CEP85L: variants seen among roughly 807,000 people sequenced by gnomAD.
The protein encoded by CEP85L is centrosomal protein 85L.
In CEP85L, 60 loss-of-function variants were observed where a neutral mutation model predicts 100.3. That is an observed-to-expected ratio of 0.60 (90% CI 0.49 to 0.74). The LOEUF is 0.74. Ranked by LOEUF, CEP85L falls within the 30% of genes least tolerant of loss-of-function variation. The pLI, the probability that CEP85L is intolerant of heterozygous loss-of-function variation, is 0.00. For missense variants in CEP85L, 973 were observed against 936.2 expected, an observed-to-expected ratio of 1.04 and a Z score of -0.51; for synonymous variants, 319 against 322.7, an observed-to-expected ratio of 0.99 and a Z score of 0.12.
At chr6:118,483,579 CTTA>C in intron 7 of CEP85L, 124 bp downstream of exon 7, 3 of 772,114 alleles carry the variant, frequency 3.9e-6, no homozygotes, top group Non-Finnish European at 6.2e-6. Flanking sequence ...AACAAAGTTT[CTTA>C]TTAGAATTAA....
intron 1 of CEP85L, among the ~76,000 whole-genome samples, chr6:118,708,329 G>A (rs1340387354): frequency 6.6e-6 from 1 of 152,184 alleles, no homozygotes; most frequent in Non-Finnish European, 1.5e-5. Flanking sequence ...TCACTGAAAA[G>A]CAAATTTGCA....
At chr6:118,560,280 A>G (rs930994224) in intron 3 of CEP85L, 11 of 167,090 alleles carry the variant, frequency 6.6e-5, no homozygotes, top group African/African-American at 2.7e-4. Context: ...CTGATAACAT[A>G]AACAGTAAAT....
chr6:118,680,548 TG>T (rs1259324170), intron 1 of CEP85L, among the ~76,000 whole-genome samples: 2 of 152,016 alleles, frequency 1.3e-5, no homozygotes, highest in Non-Finnish European at 2.9e-5. Flanking sequence ...TCTAACCAGC[TG>T]GGTTTCTGTA....
At chr6:118,594,866 A>C (rs1338757713) in intron 2 of CEP85L, among the ~76,000 whole-genome samples, 4 of 139,824 alleles carry the variant, frequency 2.9e-5, no homozygotes, top group African/African-American at 1.1e-4. Flanking sequence ...AAAAAAAAAA[A>C]CAAACAAAAC....
chr6:118,547,637 A>G (rs1002823929), intron 3 of CEP85L, among the ~76,000 whole-genome samples: 12 of 152,118 alleles, frequency 7.9e-5, no homozygotes, highest in Non-Finnish European at 1.2e-4. Flanking sequence ...CAGTTTAAAT[A>G]TAAGTATTAC....
intron 1 of CEP85L, among the ~76,000 whole-genome samples, chr6:118,646,519 A>G (rs953646003): frequency 6.6e-6 from 1 of 151,804 alleles, no homozygotes; most frequent in East Asian, 2.0e-4. Flanking sequence ...AATACAAAAC[A>G]TTAGCCAGGT....
At chr6:118,633,208 C>CTT (rs35254375) in intron 1 of CEP85L, among the ~76,000 whole-genome samples, 109 of 144,576 alleles carry the variant, frequency 7.5e-4, no homozygotes, top group Middle Eastern at 7.2e-3. Flanking sequence ...CTTGATTTGT[C>CTT]TTTTTTTTTT....
intron 2 of CEP85L, among the ~76,000 whole-genome samples, chr6:118,572,135 C>T (rs764379517): frequency 1.3e-5 from 2 of 152,086 alleles, no homozygotes; most frequent in East Asian, 3.9e-4. Context: ...GGATTACAGG[C>T]GGAAGCCACC....
At chr6:118,707,338 T>C (rs762323097) in intron 1 of CEP85L, among the ~76,000 whole-genome samples, 1 of 152,054 alleles carries the variant, frequency 6.6e-6, no homozygotes, top group Middle Eastern at 3.2e-3. Flanking sequence ...GGACTACAGG[T>C]GTGTGCCACC....
At chr6:118,616,976 T>TC (rs1773100341) in intron 2 of CEP85L, among the ~76,000 whole-genome samples, 1 of 148,410 alleles carries the variant, frequency 6.7e-6, no homozygotes, top group Non-Finnish European at 1.5e-5. Context: ...TAGGAGGGGA[T>TC]CACTTGAGCC....
chr6:118,691,533 CAA>C (rs372306868), intron 1 of CEP85L, among the ~76,000 whole-genome samples: 22 of 88,618 alleles, frequency 2.5e-4, no homozygotes, highest in Admixed American at 3.8e-4. Context: ...AACTCCATCT[CAA>C]AAAAAAAAAA....
intron 5 of CEP85L, among the ~76,000 whole-genome samples, chr6:118,499,717 T>C (rs1431175777): frequency 6.6e-6 from 1 of 151,716 alleles, no homozygotes; most frequent in Non-Finnish European, 1.5e-5. Context: ...AAACTAGTAA[T>C]AGAGGAAGCT....
chr6:118,610,958 C>T (rs562610667), intron 2 of CEP85L, among the ~76,000 whole-genome samples: 22 of 152,238 alleles, frequency 1.4e-4, no homozygotes, highest in African/African-American at 5.3e-4. Flanking sequence ...GAAGTCAAGA[C>T]ATTCTCAGAT....
chr6:118,513,197 G>A (rs555217889), intron 4 of CEP85L, among the ~76,000 whole-genome samples: 17 of 152,160 alleles, frequency 1.1e-4, no homozygotes, highest in Middle Eastern at 3.4e-3. Context: ...AGTGAGCCGC[G>A]AGATTATAAG....
chr6:118,578,803 C>T (rs1780397014), intron 2 of CEP85L, among the ~76,000 whole-genome samples: 1 of 152,206 alleles, frequency 6.6e-6, no homozygotes, highest in East Asian at 1.9e-4. Context: ...AGGCAGCACC[C>T]TTCTGTAGAA....
chr6:118,559,811 T>C (rs1779117661), intron 3 of CEP85L: 1 of 167,470 alleles, frequency 6.0e-6, no homozygotes, highest in Non-Finnish European at 1.5e-5. Flanking sequence ...CTAAGACATA[T>C]GATCAACAGA....
At chr6:118,500,021 C>T (rs115402171) in intron 5 of CEP85L, among the ~76,000 whole-genome samples, 10 of 152,280 alleles carry the variant, frequency 6.6e-5, no homozygotes, top group African/African-American at 2.2e-4. Flanking sequence ...AAACTCCTGG[C>T]TAGGTGCAGT....
intron 1 of CEP85L, among the ~76,000 whole-genome samples, chr6:118,708,439 C>T (rs760912117): frequency 5.3e-5 from 8 of 152,172 alleles, no homozygotes; most frequent in Non-Finnish European, 1.2e-4. Context: ...GAAAAGATAA[C>T]CCATAAACTT....
Position 118,565,640 on chromosome 6 carries a change from C to A in CEP85L, c.909G>T (p.Gln303His). ...SVRTQMWLTE[Q>H]LRTNPLEGRN... Reference sequence around the variant, plus strand: ...TACCTTCCAAAGGATTTGTCCGCAGCTGCTCTGTAAGCCACATCTGAGTCC... The same window carrying A: ...TACCTTCCAAAGGATTTGTCCGCAGATGCTCTGTAAGCCACATCTGAGTCC... The change falls in exon 3 of 13, where the codon CAG (glutamine) becomes CAT (histidine). Residue 303 changes from glutamine (Q) to histidine (H), a missense_variant. Transcript: ENST00000368491. 1 of 1,614,206 alleles carries A rather than the reference C, an allele frequency of 6.2e-7. No individual in the cohort carries two copies. Among genetic ancestry groups the A allele is most frequent in the Non-Finnish European group, 8.5e-7 (1 of 1,180,042 alleles).
Sources: gnomAD v4.1 joint callset for allele counts (sites outside exome capture counted in the v4.1 genomes callset) on GRCh38, gnomAD v4.1.1 for gene constraint, MANE v1.5 for transcripts, NCBI Gene and HGNC (gene_info 2026-07-23, HGNC 2026-07-21) for gene names.